The following ATXN1 variants were observed in gnomAD, a reference collection of about 807,000 sequenced individuals.
ATXN1 encodes the protein ataxin 1, also known as ataxin-1.
A neutral mutation model predicts 56.4 loss-of-function variants in ATXN1; 8 were observed. That is an observed-to-expected ratio of 0.14 (90% CI 0.08 to 0.26). ATXN1 has a LOEUF of 0.26. Ranked by LOEUF, ATXN1 falls within the 10% of genes least tolerant of loss-of-function variation. The pLI is 1.00. For missense variants in ATXN1, 987 were observed against 1,106.5 expected (o/e 0.89, Z 1.53); for synonymous variants, 514 against 494.6 (o/e 1.04, Z -0.52).
intron 2 of ATXN1, among the ~76,000 whole-genome samples, chr6:16,673,617 A>G (rs940556193): frequency 1.3e-5 from 2 of 152,174 alleles, no homozygotes; most frequent in Non-Finnish European, 2.9e-5. Flanking sequence ...ATTGTAGGAT[A>G]TGATATTGAT....
intron 6 of ATXN1, among the ~76,000 whole-genome samples, chr6:16,378,139 C>A (rs1581723702): frequency 1.3e-5 from 2 of 152,296 alleles, no homozygotes; most frequent in East Asian, 1.9e-4. Context: ...TGCCAGGTGG[C>A]CTTATTCTTC....
intron 2 of ATXN1, among the ~76,000 whole-genome samples, chr6:16,668,100 T>C (rs929389557): frequency 6.6e-6 from 1 of 152,204 alleles, no homozygotes; most frequent in Non-Finnish European, 1.5e-5. Flanking sequence ...GCAGTGCACA[T>C]AGTGCCAGAT....
chr6:16,407,819 G>T (rs1040653400), intron 6 of ATXN1, among the ~76,000 whole-genome samples: 4 of 152,202 alleles, frequency 2.6e-5, no homozygotes, highest in Non-Finnish European at 4.4e-5. Context: ...GAAGTGGATG[G>T]ATGTTCTGTT....
chr6:16,716,136 T>C (rs1475675270), intron 2 of ATXN1, among the ~76,000 whole-genome samples: 1 of 152,202 alleles, frequency 6.6e-6, no homozygotes. Flanking sequence ...ACAGATAAAA[T>C]GACATGCATC....
intron 6 of ATXN1, among the ~76,000 whole-genome samples, chr6:16,435,107 A>G (rs1759361711): frequency 6.6e-6 from 1 of 152,194 alleles, no homozygotes; most frequent in Non-Finnish European, 1.5e-5. Context: ...TGTCTTGGGT[A>G]ACTAGATGAT....
At chr6:16,419,261 T>C (rs1262903622) in intron 6 of ATXN1, among the ~76,000 whole-genome samples, 1 of 152,198 alleles carries the variant, frequency 6.6e-6, no homozygotes, top group Non-Finnish European at 1.5e-5. Flanking sequence ...CCATGAGCTT[T>C]TGATGAACTG....
chr6:16,740,514 A>G (rs974988663), intron 2 of ATXN1, among the ~76,000 whole-genome samples: 4 of 152,132 alleles, frequency 2.6e-5, no homozygotes, highest in Non-Finnish European at 4.4e-5. Context: ...TCAAGATTCC[A>G]TATATGAGAT....
intron 5 of ATXN1, among the ~76,000 whole-genome samples, chr6:16,498,404 G>A (rs1241162304): frequency 2.0e-5 from 3 of 152,140 alleles, no homozygotes; most frequent in Non-Finnish European, 4.4e-5. Flanking sequence ...GGACATTTGG[G>A]ATGATTCCAT....
chr6:16,571,091 C>T (rs719421), intron 4 of ATXN1, among the ~76,000 whole-genome samples: 1 of 151,454 alleles, frequency 6.6e-6, no homozygotes, highest in African/African-American at 2.4e-5. Context: ...CTTGCAATTG[C>T]TATGAGAATA....
chr6:16,422,727 C>A (rs1379508626), intron 6 of ATXN1, among the ~76,000 whole-genome samples: 5 of 152,196 alleles, frequency 3.3e-5, no homozygotes, highest in African/African-American at 4.8e-5. Context: ...CCCTTCACAA[C>A]AGCCTCCTCA....
At chr6:16,572,634 C>G (rs1360123737) in intron 4 of ATXN1, among the ~76,000 whole-genome samples, 2 of 152,166 alleles carry the variant, frequency 1.3e-5, no homozygotes, top group African/African-American at 4.8e-5. Context: ...AAACCCTTTC[C>G]TACCCAACAC....
In ATXN1 at chr6:16,328,116, G is replaced by C; in HGVS notation, c.195C>G (p.Thr65=). 6.3e-7 allele frequency: 1 copy of C among 1,591,416 alleles called. No individual in the cohort carries two copies. The highest frequency in any genetic ancestry group is 2.2e-5 in the East Asian group (1 of 44,496). Residue 65 remains threonine (T), a synonymous_variant, in exon 7 of 8, where the codon ACC becomes ACG. Transcript: ENST00000436367. The surrounding 1 kb of genome is among the most constrained non-coding windows in gnomAD (Gnocchi z 6.2). ...HGGGRHGPAG[T]SVELGLQQGI... ...CCTGTTGTAAACCAAGCTCCACCGA[G>C]GTCCCTGCCGGCCCATGCCTCCCGC...
chr6:16,563,490 G>A (rs1389285726), intron 4 of ATXN1, among the ~76,000 whole-genome samples: 2 of 152,278 alleles, frequency 1.3e-5, no homozygotes, highest in Middle Eastern at 3.4e-3. Context: ...CCTGAAGAAA[G>A]TGGCTATAGT....
intron 4 of ATXN1, among the ~76,000 whole-genome samples, chr6:16,534,076 A>G (rs56892354): frequency 7.4e-4 from 113 of 152,252 alleles, no homozygotes; most frequent in African/African-American, 2.7e-3. Context: ...CTATGACCAC[A>G]TATATATGAC....
At chr6:16,311,399 TG>T (rs1293251995) in intron 7 of ATXN1, among the ~76,000 whole-genome samples, 1 of 152,178 alleles carries the variant, frequency 6.6e-6, no homozygotes, top group Non-Finnish European at 1.5e-5. Flanking sequence ...CCAAAAGAGA[TG>T]AACTAAGCAT....
At chr6:16,515,428 C>T (rs1761163360) in intron 5 of ATXN1, among the ~76,000 whole-genome samples, 1 of 152,172 alleles carries the variant, frequency 6.6e-6, no homozygotes, top group South Asian at 2.1e-4. Flanking sequence ...CACTACCACC[C>T]CCAAACCACA....
intron 3 of ATXN1, among the ~76,000 whole-genome samples, chr6:16,637,189 C>G (rs1763613630): frequency 6.6e-6 from 1 of 152,170 alleles, no homozygotes; most frequent in African/African-American, 2.4e-5. Context: ...AGTTCATGTC[C>G]TTTGTTGGGA....
At chr6:16,456,002 C>A (rs1415906894) in intron 6 of ATXN1, among the ~76,000 whole-genome samples, 1 of 152,154 alleles carries the variant, frequency 6.6e-6, no homozygotes, top group East Asian at 1.9e-4. Flanking sequence ...AGGACAGAAA[C>A]AGAATATGGG....
Position 16,327,266 on chromosome 6 carries a change from C to T in ATXN1, c.1045G>A (p.Gly349Ser), listed in dbSNP as rs376988783. Residue 349 changes from glycine to serine, a missense_variant, in exon 7 of 8, where the codon GGC becomes AGC. By Grantham distance (56) the Gly-to-Ser change is moderately conservative (BLOSUM62 0). Coordinates refer to ENST00000436367, the MANE Select transcript of ATXN1 (RefSeq NM_001128164.2). ...TCGTACGGGTGAGGAACCGACTTGC[C>T]GCCTGCCTTGCCCAGGCCCAGGTCG... ...SADLGLGKAG[G>S]KSVPHPYESR... 50 of 1,613,264 alleles carry T rather than the reference C, an allele frequency of 3.1e-5. No homozygotes were observed. Among genetic ancestry groups the T allele is most frequent in the East Asian group, 2.9e-4 (13 of 44,858 alleles).
Sources: allele counts gnomAD v4.1 joint callset (sites outside exome capture counted in the v4.1 genomes callset), GRCh38; gene constraint gnomAD v4.1.1; non-coding constraint Gnocchi (gnomAD v3.1); transcripts MANE v1.5; gene names NCBI Gene and HGNC (gene_info 2026-07-23, HGNC 2026-07-21).